Variants in SPDYE10 observed in about 807,000 individuals in gnomAD.
SPDYE10 encodes speedy protein E10.
chr7:73,123,638 A>G, the SPDYE10 span, among the ~76,000 whole-genome samples: 1 of 152,082 alleles, frequency 6.6e-6, no homozygotes, highest in Non-Finnish European at 1.5e-5. Flanking sequence ...TTATGTTTTT[A>G]GTAGAGAGGG....
the SPDYE10 span, among the ~76,000 whole-genome samples, chr7:73,145,185 C>A: frequency 9.8e-6 from 1 of 101,750 alleles, no homozygotes. Context: ...TCTCTTTCAT[C>A]TTTTCTTTCT....
chr7:73,114,439 AC>A, the SPDYE10 span, among the ~76,000 whole-genome samples: 1 of 149,134 alleles, frequency 6.7e-6, no homozygotes, highest in Non-Finnish European at 1.5e-5. Context: ...ATGAGAGAAT[AC>A]TTTGTTTCAA....
the SPDYE10 span, among the ~76,000 whole-genome samples, chr7:73,115,409 G>A: frequency 1.3e-5 from 2 of 151,720 alleles, no homozygotes; most frequent in Admixed American, 6.6e-5. Context: ...CCACTCCCCT[G>A]GCCCTGCTGA....
chr7:73,113,944 T>G, the SPDYE10 span, among the ~76,000 whole-genome samples: 2 of 151,510 alleles, frequency 1.3e-5, no homozygotes, highest in African/African-American at 4.9e-5. Flanking sequence ...GAGAATGGCG[T>G]GAACCCAGGA....
the SPDYE10 span, among the ~76,000 whole-genome samples, chr7:73,120,324 C>T: frequency 3.1e-3 from 6 of 1,940 alleles, no homozygotes; most frequent in East Asian, 0.011. Context: ...CCAGTGCCTA[C>T]AAGGGCCAGG....
the SPDYE10 span, among the ~76,000 whole-genome samples, chr7:73,114,027 C>CA: frequency 0.024 from 1,802 of 75,600 alleles, 26 homozygotes; most frequent in Admixed American, 0.056. Context: ...GACTCCGTCT[C>CA]AAAAAAAAAA....
At chr7:73,150,006 C>T in the SPDYE10 span, among the ~76,000 whole-genome samples, 5 of 7,774 alleles carry the variant, frequency 6.4e-4, no homozygotes, top group African/African-American at 3.5e-3. Context: ...TCTACCAGGA[C>T]GGTGCCCATC....
chr7:73,132,176 GA>G, the SPDYE10 span, among the ~76,000 whole-genome samples: 2 of 102,900 alleles, frequency 1.9e-5, no homozygotes. Flanking sequence ...CCTGTCCACA[GA>G]ATTTAAGGAC....
At chr7:73,135,821 G>A in the SPDYE10 span, among the ~76,000 whole-genome samples, 2 of 84,436 alleles carry the variant, frequency 2.4e-5, no homozygotes, top group Non-Finnish European at 4.6e-5. Flanking sequence ...CCCCCACCTC[G>A]GCCTCCCAAA....
the SPDYE10 span, among the ~76,000 whole-genome samples, chr7:73,111,424 G>T: frequency 7.4e-6 from 1 of 135,684 alleles, no homozygotes; most frequent in Non-Finnish European, 1.6e-5. Context: ...ACAGAATCTT[G>T]CTTTGTCACC....
At chr7:73,107,789 G>A in the SPDYE10 span, among the ~76,000 whole-genome samples, 1 of 58,876 alleles carries the variant, frequency 1.7e-5, no homozygotes, top group Non-Finnish European at 3.2e-5. Flanking sequence ...GTTGGAAGAC[G>A]AGGGAAGGCA....
chr7:73,126,909 G>GTTTTT, the SPDYE10 span, among the ~76,000 whole-genome samples: 12 of 68,814 alleles, frequency 1.7e-4, no homozygotes, highest in South Asian at 4.9e-4. Flanking sequence ...GTTGTTGGTG[G>GTTTTT]TTTTTTTTTT....
chr7:73,149,901 T>C, the SPDYE10 span, among the ~76,000 whole-genome samples: 1 of 72,602 alleles, frequency 1.4e-5, no homozygotes, highest in Non-Finnish European at 2.7e-5. Flanking sequence ...CAATACCCCA[T>C]TGGCCAAAGC....
chr7:73,138,346 A>G, the SPDYE10 span, among the ~76,000 whole-genome samples: 5 of 151,224 alleles, frequency 3.3e-5, no homozygotes, highest in African/African-American at 1.2e-4. Flanking sequence ...CACAGCTAAC[A>G]TTGACCATGG....
At chr7:73,154,948 A>C in the SPDYE10 span, 13 of 149,344 alleles carry the variant, frequency 8.7e-5, 1 homozygote, top group African/African-American at 3.4e-4. Context: ...AGCGAACACC[A>C]GCTGCTCCCC....
chr7:73,113,778 G>C, the SPDYE10 span, among the ~76,000 whole-genome samples: 5 of 152,142 alleles, frequency 3.3e-5, no homozygotes, highest in South Asian at 1.0e-3. Context: ...GCTCATGCCT[G>C]TAATCCCAGC....
At chr7:73,134,563 A>AAGAAAGAAAGAG in the SPDYE10 span, among the ~76,000 whole-genome samples, 1 of 152,144 alleles carries the variant, frequency 6.6e-6, no homozygotes, top group Admixed American at 6.5e-5. Flanking sequence ...GAAAGAAAGA[A>AAGAAAGAAAGAG]AGAAACCGTG....
At chr7:73,115,022 G>A in the SPDYE10 span, among the ~76,000 whole-genome samples, 10 of 151,550 alleles carry the variant, frequency 6.6e-5, no homozygotes, top group Non-Finnish European at 1.5e-4. Context: ...TCAGCCTCCC[G>A]AGTAGCTGGG....
the SPDYE10 span, among the ~76,000 whole-genome samples, chr7:73,139,660 T>G: frequency 2.7e-5 from 4 of 150,076 alleles, no homozygotes; most frequent in African/African-American, 5.0e-5. Flanking sequence ...TTTTTTGTGT[T>G]TTTTTTTTTC....
Sources: allele counts gnomAD v4.1 joint callset (sites outside exome capture counted in the v4.1 genomes callset), GRCh38; gene constraint gnomAD v4.1.1; transcripts MANE v1.5; gene names NCBI Gene and HGNC (gene_info 2026-07-23, HGNC 2026-07-21).